Variants in KCP observed in about 807,000 individuals in gnomAD.
KCP encodes the protein kielin/chordin-like protein.
A neutral mutation model predicts 212.7 loss-of-function variants in KCP; 194 were observed. The observed-to-expected ratio is 0.91, with a 90% CI of 0.81 to 1.03. The LOEUF (loss-of-function observed/expected upper bound fraction) is 1.03. Among genes scored for constraint, KCP ranks in the 50% least tolerant of loss-of-function variants. KCP has a pLI of 0.00. For missense variants in KCP, 2,080 were observed against 2,162.5 expected (o/e 0.96, Z 0.76); for synonymous variants, 833 against 865.3 (o/e 0.96, Z 0.65).
chr7:128,878,985 C>T lies in KCP; in HGVS notation c.4147-263G>A, dbSNP rs1585191025. 5 of 491,652 alleles carry T rather than the reference C, an allele frequency of 1.0e-5. No homozygotes were observed. In the East Asian group the frequency reaches 1.6e-4, roughly 16 times the overall value. 30.5% of individuals were successfully genotyped at this position (491,652 alleles called of 1,614,324 possible). On this transcript the variant is annotated intron_variant, in intron 37 of 39. Transcript: ENST00000610776. ...AGGGCACCTTCTCCTGCTGCCATCC[C>T]TGCACTGGGCCCCAGGTGAAATGCA...
At position 128,906,298 on chromosome 7, in the gene KCP, G is replaced by A. The variant is rs1175943375; in HGVS notation, c.552C>T (p.Cys184=). Reference sequence around the variant, plus strand: ...GCTGACCTGGCTTACAGTGCGGGCAGCATGCTCCTGGCTCAGGGCAGGGTC... The same window carrying A: ...GCTGACCTGGCTTACAGTGCGGGCAACATGCTCCTGGCTCAGGGCAGGGTC... ...PRGPCPEPGA[C]CPHCKPGCDY... is the part of the protein sequence containing the mutation. The change falls in exon 5 of 40, where the codon TGC becomes TGT. Residue 184 remains cysteine, a synonymous_variant. Transcript: ENST00000610776. The A allele has an allele frequency of 5.8e-6, 9 of 1,551,046 alleles. No individual in the cohort carries two copies. The highest frequency in any genetic ancestry group is 7.8e-6 in the Non-Finnish European group (9 of 1,146,838).
intron 17 of KCP, 35 bp from the exon 18 acceptor site, chr7:128,891,568 C>T (rs1420311032): frequency 6.5e-7 from 1 of 1,538,702 alleles, no homozygotes; most frequent in Admixed American, 2.0e-5. Context: ...TGGGAGAGGG[C>T]GACTGCCCCA....
intron 35 of KCP, 41 bp from the exon 36 acceptor site, chr7:128,879,870 C>T: frequency 6.4e-7 from 1 of 1,551,098 alleles, no homozygotes; most frequent in Non-Finnish European, 8.7e-7. Flanking sequence ...GTCAGCAGGG[C>T]TGGGTGTAGG....
chr7:128,906,779 T>C (rs551785050), intron 4 of KCP, among the ~76,000 whole-genome samples: 12 of 152,040 alleles, frequency 7.9e-5, no homozygotes, highest in Non-Finnish European at 1.6e-4. Flanking sequence ...CAAGCAACTA[T>C]TAAGTTGGTG....
rs772652389 is a variant in KCP at position 128,902,870 on chromosome 7, G to A, written c.749-11C>T. ...CACCTTCTGTGCAGCCTAGGGTTGA[G>A]GGGTTGAGAAGAGGGAGGCCTGGTG... is the stretch of plus-strand genomic sequence containing the variant. On this transcript the variant is annotated splice_polypyrimidine_tract_variant and intron_variant, in intron 7 of 39. Coordinates refer to ENST00000610776, the MANE Select transcript of KCP (RefSeq NM_001366122.1). 1 of 1,550,354 alleles carries A rather than the reference G, an allele frequency of 6.5e-7. No homozygotes were observed. Among genetic ancestry groups the A allele is most frequent in the Non-Finnish European group, 8.7e-7 (1 of 1,146,174 alleles).
intron 5 of KCP, chr7:128,904,379 G>C: frequency 6.5e-7 from 1 of 1,550,202 alleles, no homozygotes; most frequent in Non-Finnish European, 8.7e-7. Flanking sequence ...CACGGCTCCT[G>C]TCTGCAGGGC....
At position 128,890,210 on chromosome 7, in the gene KCP, G is replaced by A. The variant is rs1794002395; in HGVS notation, c.2335+133C>T. 2.6e-6 allele frequency: 4 copies of A among 1,510,790 alleles called. No homozygotes were observed. In the East Asian group the frequency reaches 7.4e-5, roughly 28 times the overall value. 93.6% of individuals were successfully genotyped at this position (1,510,790 alleles called of 1,614,324 possible). A position where few individuals can be genotyped will look rare whatever the true frequency, so the allele number is the denominator to read the frequency against. ...GTCGGGGTCACAGGCTTCAGCTAGGGCTCCCAGCCTCGGGGCTTTTTCTTA... is the reference window on the plus strand; with the variant it reads ...GTCGGGGTCACAGGCTTCAGCTAGGACTCCCAGCCTCGGGGCTTTTTCTTA... On this transcript the variant is annotated intron_variant, in intron 21 of 39. Transcript: ENST00000610776.
Position 128,887,236 on chromosome 7 carries a change from G to T in KCP, c.2577C>A (p.Thr859=), listed in dbSNP as rs1793709868. The T allele has an allele frequency of 6.4e-7, 1 of 1,551,396 alleles. No homozygotes were observed. Among genetic ancestry groups the T allele is most frequent in the African/African-American group, 1.4e-5 (1 of 73,000 alleles). The change falls in exon 23 of 40, where the codon ACC becomes ACA. Residue 859 remains threonine (T), a synonymous_variant. Transcript: ENST00000610776. Reference sequence around the variant, plus strand: ...TCACCTGGCAGGTGCAGAGGGAGCAGGTAGGGTCAAGTGGGTCAGGAAGGG... The same window carrying T: ...TCACCTGGCAGGTGCAGAGGGAGCATGTAGGGTCAAGTGGGTCAGGAAGGG... The part of the protein sequence containing the change: ...GETLPDPLDP[T]CSLCTCQEGS...
intron 8 of KCP, among the ~76,000 whole-genome samples, chr7:128,900,942 G>A (rs549511528): frequency 1.4e-4 from 21 of 152,334 alleles, no homozygotes; most frequent in African/African-American, 4.8e-4. Flanking sequence ...ATAAAAATGA[G>A]GCTGAGACCT....
rs754962066 is a variant in KCP, at chr7:128,879,967, A to G, written c.3878T>C (p.Phe1293Ser). ...YRTFDGRLLH[F>S]QGSCSYVLAK... ...CAGCACATAGCTGCAACTGCCCTGG[A>G]AGTGCAGCAGGCGGCCGTCGAAGGT... Residue 1293 changes from phenylalanine to serine, a missense_variant, in exon 35 of 40, where the codon TTC becomes TCC. By Grantham distance (155) the Phe-to-Ser change is radical. Transcript: ENST00000610776. 50 of 1,550,698 alleles carry G rather than the reference A, an allele frequency of 3.2e-5. No homozygotes were observed. Among genetic ancestry groups the G allele is most frequent in the Non-Finnish European group, 4.3e-5 (49 of 1,146,946 alleles).
intron 29 of KCP, among the ~76,000 whole-genome samples, chr7:128,883,465 A>G (rs921388716): frequency 1.3e-5 from 2 of 152,082 alleles, no homozygotes; most frequent in South Asian, 4.1e-4. Flanking sequence ...GATAACGTTC[A>G]CCTGTATTGC....
Position 128,878,594 on chromosome 7 carries a change from G to A in KCP, c.4275C>T (p.Leu1425=), listed in dbSNP as rs558406082. The A allele has an allele frequency of 9.0e-6, 14 of 1,551,454 alleles. No homozygotes were observed. The highest frequency in any genetic ancestry group is 3.9e-5 in the Admixed American group (2 of 50,996). ...TCCCAAACGCAGCCTCCGAGGGCAG[G>A]AGCAGCCCCTCAGGGCCCTGCAGAT... ...QDDLQGPEGL[L]LPSEAAFGNS... Residue 1425 remains leucine, a synonymous_variant, in exon 38 of 40, where the codon CTC becomes CTT. Coordinates refer to ENST00000610776, the MANE Select transcript of KCP (RefSeq NM_001366122.1).
Position 128,889,013 on chromosome 7 carries a change from G to C in KCP, c.2362C>G (p.Leu788Val). ...DGCEYLGESY[L>V]SNQEFPDPRE... ...GGGTCTGGGAACTCCTGGTTACTCA[G>C]GTAGGACTCCCCCAGGTACTCACAG... Residue 788 changes from leucine (L) to valine (V), a missense_variant, in exon 22 of 40, where the codon CTG becomes GTG. Transcript: ENST00000610776. 6.6e-7 allele frequency: 1 copy of C among 1,525,916 alleles called. No individual in the cohort carries two copies. The highest frequency in any genetic ancestry group is 8.8e-7 in the Non-Finnish European group (1 of 1,133,150). The allele number at this position is 1,525,916 out of a possible 1,614,324, so 94.5% of individuals were successfully genotyped here.
rs2128947218 is a variant in KCP, at chr7:128,890,953, C to A, written c.2116G>T (p.Ala706Ser). 8.0e-7 allele frequency: 1 copy of A among 1,254,364 alleles called. No individual in the cohort carries two copies. The highest frequency in any genetic ancestry group is 3.5e-5 in the South Asian group (1 of 28,522). The allele number at this position is 1,254,364 out of a possible 1,614,324, so 77.7% of individuals were successfully genotyped here. ...VSCQRLPCPP[A>S]PCAHPRQGPC... ...CCCTGGCGCGGGTGCGCGCAGGGCGCGGGCGGGCAGGGCAGCCGCTGGCAG... is the reference window on the plus strand; with the variant it reads ...CCCTGGCGCGGGTGCGCGCAGGGCGAGGGCGGGCAGGGCAGCCGCTGGCAG... Residue 706 changes from alanine to serine, a missense_variant, in exon 20 of 40, where the codon GCG becomes TCG. By Grantham distance (99) the Ala-to-Ser change is moderately conservative. Coordinates refer to ENST00000610776, the MANE Select transcript of KCP (RefSeq NM_001366122.1).
In KCP at chr7:128,908,247, GAAAGAAGAAAGA is replaced by G. The variant is rs1220688359; in HGVS notation, c.219+167_219+178del. Among the ~76,000 whole-genome samples the G allele has an allele frequency of 7.8e-4, 68 of 87,260 alleles. No homozygotes were observed. In the East Asian group the frequency reaches 0.024, roughly 30 times the overall value. 57.2% of individuals were successfully genotyped at this position (87,260 alleles called of 152,430 possible). On this transcript the variant is annotated intron_variant, in intron 2 of 39. Transcript: ENST00000610776. ...GGGAAGGAAAGAAGAAAGGAAGAAA[GAAAGAAGAAAGA>G]AAGAAAGAAAGAAAGAAAGAAAGAA...
rs374942385 is a variant in KCP, at chr7:128,904,253, C to T, written c.572-115G>A. The T allele has an allele frequency of 2.5e-4, 387 of 1,540,664 alleles. 1 individual carries two copies. Among genetic ancestry groups the T allele is most frequent in the Non-Finnish European group, 5.4e-5 (61 of 1,137,482 alleles). On this transcript the variant is annotated intron_variant, in intron 5 of 39. Coordinates refer to ENST00000610776, the MANE Select transcript of KCP (RefSeq NM_001366122.1). The stretch of plus-strand genomic sequence containing the variant: ...TGGACCCTTGGGGTTGAAGGGATGG[C>T]GGGGCAGGGCAGGACAGGGCAGGAG...
rs1793478456 is a variant in KCP at position 128,883,851 on chromosome 7, G to A, written c.3244+151C>T. 6 of 963,252 alleles carry A rather than the reference G, an allele frequency of 6.2e-6. No individual in the cohort carries two copies. The South Asian group carries it at 1.0e-4, about 16-fold the overall frequency. The allele number at this position is 963,252 out of a possible 1,614,324, so 59.7% of individuals were successfully genotyped here. On this transcript the variant is annotated intron_variant, in intron 29 of 39. Coordinates refer to ENST00000610776, the MANE Select transcript of KCP (RefSeq NM_001366122.1). The stretch of plus-strand genomic sequence containing the variant: ...CCTGTCAGCTTCCCCAGTTCCCTTA[G>A]GGATGGTGCAGCCCTCGCCGGCCAG...
chr7:128,907,358 C>T lies in KCP; in HGVS notation c.315G>A (p.Glu105=), dbSNP rs761952389. ...AGGCGTCAGGCTCCCAGCGTGCCCC[C>T]TCGGGCCAGGCACGCCCCAGCCCCC... ...QCWGLGRAWP[E]GARWEPDACT... The change falls in exon 3 of 40, where the codon GAG becomes GAA. Residue 105 remains glutamate (E), a synonymous_variant. Coordinates refer to ENST00000610776, the MANE Select transcript of KCP (RefSeq NM_001366122.1). 35 of 1,543,030 alleles carry T rather than the reference C, an allele frequency of 2.3e-5. No homozygotes were observed. Among genetic ancestry groups the T allele is most frequent in the Middle Eastern group, 1.7e-4 (1 of 5,946 alleles).
intron 5 of KCP, among the ~76,000 whole-genome samples, chr7:128,904,727 G>C (rs1280555526): frequency 6.6e-6 from 1 of 152,214 alleles, no homozygotes; most frequent in Non-Finnish European, 1.5e-5. Context: ...ACCAGGCCCA[G>C]ACCCCCAAGT....
Sources: gnomAD v4.1 joint callset for allele counts (sites outside exome capture counted in the v4.1 genomes callset) on GRCh38, gnomAD v4.1.1 for gene constraint, MANE v1.5 for transcripts, NCBI Gene and HGNC (gene_info 2026-07-23, HGNC 2026-07-21) for gene names.